The following PICALM variants were observed in gnomAD, a reference collection of about 807,000 sequenced individuals.
PICALM encodes the protein phosphatidylinositol binding clathrin assembly protein.
In PICALM, 40 loss-of-function variants were observed where a neutral mutation model predicts 80.5. The observed-to-expected ratio is 0.50, with a 90% CI of 0.39 to 0.65. PICALM has a LOEUF of 0.65. Ranked by LOEUF, PICALM falls within the 30% of genes least tolerant of loss-of-function variation. The pLI, the probability that PICALM is intolerant of heterozygous loss-of-function variation, is 0.00. For missense variants in PICALM, 676 were observed against 778.9 expected, an observed-to-expected ratio of 0.87 and a Z score of 1.57; for synonymous variants, 288 against 260.3, an observed-to-expected ratio of 1.11 and a Z score of -1.02.
At chr11:86,062,433 C>T (rs1254553774) in intron 1 of PICALM, among the ~76,000 whole-genome samples, 1 of 151,556 alleles carries the variant, frequency 6.6e-6, no homozygotes, top group East Asian at 1.9e-4. Context: ...CAGGAGAATC[C>T]CTTGAACCCA....
At chr11:86,025,686 G>A (rs2095639427) in intron 3 of PICALM, among the ~76,000 whole-genome samples, 1 of 151,938 alleles carries the variant, frequency 6.6e-6, no homozygotes, top group African/African-American at 2.4e-5. Context: ...AGCCTCCTGA[G>A]TAGCTGGGAT....
At chr11:86,020,160 C>T (rs1279681728) in intron 4 of PICALM, among the ~76,000 whole-genome samples, 2 of 152,076 alleles carry the variant, frequency 1.3e-5, no homozygotes, top group Admixed American at 1.3e-4. Context: ...AAATTAAATG[C>T]ATCTTCTGCA....
intron 4 of PICALM, among the ~76,000 whole-genome samples, chr11:86,019,300 C>T (rs957186706): frequency 6.6e-6 from 1 of 151,868 alleles, no homozygotes; most frequent in Non-Finnish European, 1.5e-5. Context: ...TACAGTCTGA[C>T]GTGTATATGT....
intron 1 of PICALM, among the ~76,000 whole-genome samples, chr11:86,032,673 G>A (rs1440701198): frequency 6.6e-6 from 1 of 152,008 alleles, no homozygotes. Context: ...TATAACAGAG[G>A]AGAAAACCAA....
chr11:85,992,284 GT>G (rs5793178), intron 12 of PICALM, among the ~76,000 whole-genome samples: 74,163 of 141,434 alleles, frequency 0.52, 19,112 homozygotes, highest in African/African-American at 0.58. Flanking sequence ...GGTGTGTTTT[GT>G]TTTTTTTTTT....
rs2093710899 is a variant in PICALM at position 85,962,151 on chromosome 11, A to G, written c.1945-3091T>C. Among the ~76,000 whole-genome samples, 3 of 152,146 alleles carry G rather than the reference A, an allele frequency of 2.0e-5. No individual in the cohort carries two copies. In the South Asian group the frequency reaches 6.2e-4, roughly 31 times the overall value. ...CATGCCTGGGCTTGAGGTTTCAAAT[A>G]TCATCCATGCAGAGACAAATTAAGG... On this transcript the variant is annotated intron_variant, in intron 19 of 19. Coordinates refer to ENST00000393346, the MANE Select transcript of PICALM (RefSeq NM_007166.4).
chr11:86,028,993 A>G (rs141240845), intron 2 of PICALM, among the ~76,000 whole-genome samples: 305 of 152,008 alleles, frequency 2.0e-3, no homozygotes, highest in African/African-American at 7.0e-3. Flanking sequence ...GTGCACCACC[A>G]CGCTTGGCTA....
intron 11 of PICALM, 36 bp downstream of exon 11, chr11:86,000,607 T>C (rs745607229): frequency 1.3e-6 from 2 of 1,566,866 alleles, no homozygotes; most frequent in African/African-American, 2.7e-5. Context: ...TCTTTGAACC[T>C]ACATATTCAA....
chr11:86,013,056 C>CT (rs1379178629), intron 5 of PICALM, among the ~76,000 whole-genome samples: 1 of 152,132 alleles, frequency 6.6e-6, no homozygotes, highest in Non-Finnish European at 1.5e-5. Flanking sequence ...GGTCCCAGCA[C>CT]TTTGTGAGGC....
At position 86,031,559 on chromosome 11, in the gene PICALM, G is replaced by A. The variant is rs142062212; in HGVS notation, c.183C>T (p.Asp61=). 1.6e-5 allele frequency: 25 copies of A among 1,612,066 alleles called. No individual in the cohort carries two copies. In the African/African-American group the frequency reaches 3.1e-4, roughly 20 times the overall value. ...EMNVNIPQLA[D]SLFERTTNSS... ...TATTAGTAGTTCTTTCAAATAAACT[G>A]TCTGCCAACTGTGGGATGTTCACAT... is the stretch of plus-strand genomic sequence containing the variant. Residue 61 remains aspartate (D), a synonymous_variant, in exon 2 of 20, where the codon GAC becomes GAT. Transcript: ENST00000393346.
intron 1 of PICALM, among the ~76,000 whole-genome samples, chr11:86,065,733 A>G (rs2096438514): frequency 6.6e-6 from 1 of 152,250 alleles, no homozygotes; most frequent in African/African-American, 2.4e-5. Context: ...CTTTCACACT[A>G]GGGATGCTAG....
intron 5 of PICALM, among the ~76,000 whole-genome samples, chr11:86,014,177 A>T (rs2095443426): frequency 6.6e-6 from 1 of 152,214 alleles, no homozygotes; most frequent in African/African-American, 2.4e-5. Flanking sequence ...GAAGCTTAAA[A>T]ACTAGCAATT....
chr11:86,033,294 T>C (rs988522035), intron 1 of PICALM, among the ~76,000 whole-genome samples: 1 of 152,210 alleles, frequency 6.6e-6, no homozygotes, highest in Non-Finnish European at 1.5e-5. Flanking sequence ...ATATATACTG[T>C]ACTATGTATG....
rs748085394 is a variant in PICALM, at chr11:86,068,815, AGCC to A, written c.-38_-36del. ...TCCTCCACCACCCCACCCGCTCAGC[AGCC>A]GGCGGGGACTGGGACCCCCAAGAGC... is the stretch of plus-strand genomic sequence containing the variant. On this transcript the variant is annotated 5_prime_UTR_variant, in exon 1 of 20. Transcript: ENST00000393346. 2 of 1,573,158 alleles carry A rather than the reference AGCC, an allele frequency of 1.3e-6. No homozygotes were observed. Among genetic ancestry groups the A allele is most frequent in the Non-Finnish European group, 1.7e-6 (2 of 1,163,666 alleles).
chr11:86,061,729 T>C (rs1312296560), intron 1 of PICALM, among the ~76,000 whole-genome samples: 1 of 152,184 alleles, frequency 6.6e-6, no homozygotes, highest in African/African-American at 2.4e-5. Flanking sequence ...TACCATATGA[T>C]CCAGCAACTG....
intron 14 of PICALM, among the ~76,000 whole-genome samples, chr11:85,983,423 T>G (rs2094497448): frequency 6.6e-6 from 1 of 152,234 alleles, no homozygotes; most frequent in African/African-American, 2.4e-5. Flanking sequence ...TAATACATTC[T>G]AATTGTTTAT....
intron 1 of PICALM, among the ~76,000 whole-genome samples, chr11:86,044,310 C>A (rs978401589): frequency 2.0e-5 from 3 of 152,124 alleles, no homozygotes; most frequent in Admixed American, 1.3e-4. Flanking sequence ...GGCCTGGAGG[C>A]CTATGGAACT....
chr11:86,022,125 CA>C (rs1302910375), intron 4 of PICALM, among the ~76,000 whole-genome samples: 1 of 151,942 alleles, frequency 6.6e-6, no homozygotes, highest in Non-Finnish European at 1.5e-5. Flanking sequence ...CACTAAAAAC[CA>C]ATGAATTACA....
chr11:85,989,680 T>A (rs1276983686), intron 13 of PICALM, among the ~76,000 whole-genome samples: 1 of 152,116 alleles, frequency 6.6e-6, no homozygotes, highest in Non-Finnish European at 1.5e-5. Context: ...GCTTTACTAT[T>A]TAAAATGAAA....
Sources: allele counts gnomAD v4.1 joint callset (sites outside exome capture counted in the v4.1 genomes callset), GRCh38; gene constraint gnomAD v4.1.1; transcripts MANE v1.5; gene names NCBI Gene and HGNC (gene_info 2026-07-23, HGNC 2026-07-21).